Variants in DENND2D observed in about 807,000 individuals in gnomAD.
DENND2D encodes the protein DENN domain containing 2D, also known as DENN domain-containing protein 2D.
DENND2D carries 37 observed loss-of-function variants against 59.8 expected under a neutral mutation model. The ratio of observed to expected loss-of-function variants is 0.62; its 90% CI spans 0.48 to 0.81. The LOEUF (loss-of-function observed/expected upper bound fraction) is 0.81, where lower values mean the gene tolerates loss of function less well. Among genes scored for constraint, DENND2D ranks in the 40% least tolerant of loss-of-function variants. The pLI is 0.00. For synonymous variants in DENND2D, 219 were observed against 211.3 expected (o/e 1.04, Z -0.31); for missense variants, 525 against 579.7 (o/e 0.91, Z 0.97).
chr1:111,190,967 A>AGTATTT (rs1163793965), intron 8 of DENND2D, among the ~76,000 whole-genome samples: 1 of 152,192 alleles, frequency 6.6e-6, no homozygotes, highest in East Asian at 1.9e-4. Flanking sequence ...AAATCTTTCC[A>AGTATTT]GTATTTGGGC....
chr1:111,200,845 CAG>C (rs1173169272), upstream of DENND2D: 3 of 491,994 alleles, frequency 6.1e-6, no homozygotes, highest in African/African-American at 2.0e-5. Flanking sequence ...GCAGATTGTG[CAG>C]AGAGTTAATT....
intron 2 of DENND2D, 83 bp downstream of exon 2, chr1:111,199,540 G>A: frequency 6.7e-7 from 1 of 1,484,674 alleles, no homozygotes; most frequent in South Asian, 1.3e-5. Context: ...GTAGGGTAGG[G>A]AGAAGGAGGT....
intron 11 of DENND2D, 51 bp downstream of exon 11, chr1:111,188,080 T>G (rs979514455): frequency 1.3e-6 from 2 of 1,596,756 alleles, no homozygotes; most frequent in African/African-American, 2.7e-5. Context: ...CTCCTCTTTA[T>G]TCTAGAGGTA....
intron 8 of DENND2D, among the ~76,000 whole-genome samples, chr1:111,191,377 G>A (rs1485011550): frequency 2.6e-5 from 4 of 152,182 alleles, no homozygotes; most frequent in African/African-American, 7.2e-5. Context: ...TGAGTCAATG[G>A]TTATGGCCAG....
At position 111,199,724 on chromosome 1, in the gene DENND2D, C is replaced by A. The variant is rs768262590; in HGVS notation, c.142G>T (p.Ala48Ser). The change falls in exon 2 of 12, where the codon GCT (alanine) becomes TCT (serine). Residue 48 changes from alanine to serine, a missense_variant. Physicochemically the swap from Ala to Ser is moderately conservative, Grantham distance 99 (BLOSUM62 1). Around this residue, in one of 3 missense-constraint regions of DENND2D, gnomAD observed 253 missense variants for 246.4 expected, o/e 1.03. Coordinates refer to ENST00000357640, the MANE Select transcript of DENND2D (RefSeq NM_024901.5). ...TATTCAAAGAAGTGCTGCCCCCCAG[C>A]AAAGTTGGGCAAAGAGTGCTCCTGG... ...RAQEHSLPNF[A>S]GGQHFFEYLL... The A allele has an allele frequency of 5.0e-6, 8 of 1,614,138 alleles. No homozygotes were observed. The Admixed American group carries it at 1.3e-4, about 27-fold the overall frequency.
chr1:111,191,944 A>G (rs1657813218), intron 8 of DENND2D, among the ~76,000 whole-genome samples, 196 bp downstream of exon 8: 1 of 152,218 alleles, frequency 6.6e-6, no homozygotes, highest in Non-Finnish European at 1.5e-5. Flanking sequence ...GTGCCAGGTT[A>G]GGAGCTCTAG....
chr1:111,194,319 G>A (rs1480684739), intron 7 of DENND2D, among the ~76,000 whole-genome samples: 2 of 152,182 alleles, frequency 1.3e-5, no homozygotes, highest in African/African-American at 2.4e-5. Context: ...CACCCAGGCT[G>A]TCCCAGGAAT....
intron 10 of DENND2D, 69 bp from the exon 11 acceptor site, chr1:111,188,439 A>C: frequency 1.3e-6 from 2 of 1,581,216 alleles, no homozygotes; most frequent in South Asian, 1.2e-5. Context: ...CACCTTCAAG[A>C]ATGGCTTTCT....
intron 8 of DENND2D, among the ~76,000 whole-genome samples, chr1:111,189,970 C>G (rs144765599): frequency 0.025 from 3,872 of 152,140 alleles, 81 homozygotes; most frequent in Middle Eastern, 0.065. Context: ...CGAGACCATC[C>G]TGGCTAACAC....
At chr1:111,191,142 C>T (rs557872251) in intron 8 of DENND2D, among the ~76,000 whole-genome samples, 5 of 152,188 alleles carry the variant, frequency 3.3e-5, no homozygotes, top group African/African-American at 1.2e-4. Context: ...GGCTAATACT[C>T]TGTCCCAGTT....
chr1:111,202,202 T>G (rs1393037559), upstream of DENND2D, among the ~76,000 whole-genome samples: 1 of 152,214 alleles, frequency 6.6e-6, no homozygotes, highest in Non-Finnish European at 1.5e-5. Context: ...CTAAATCCTT[T>G]GGGCTGCGTT....
At chr1:111,194,805 G>C in intron 6 of DENND2D, 79 bp from the exon 7 acceptor site, 2 of 1,502,166 alleles carry the variant, frequency 1.3e-6, no homozygotes, top group South Asian at 2.4e-5. Flanking sequence ...GCCTCTACCA[G>C]CCTCTATTCC....
intron 7 of DENND2D, among the ~76,000 whole-genome samples, chr1:111,193,078 C>CA (rs1324412463): frequency 6.6e-6 from 1 of 152,252 alleles, no homozygotes; most frequent in African/African-American, 2.4e-5. Context: ...CACACAGTCC[C>CA]ACTCTCTGTC....
upstream of DENND2D, chr1:111,202,255 T>C (rs1180325522): frequency 6.6e-6 from 1 of 152,164 alleles, no homozygotes; most frequent in African/African-American, 2.4e-5. Context: ...GCCAAGAGAA[T>C]AGCAAAATTA....
At chr1:111,197,386 C>G (rs914096087) in intron 4 of DENND2D, 133 bp from the exon 5 acceptor site, 1 of 1,473,538 alleles carries the variant, frequency 6.8e-7, no homozygotes, top group South Asian at 1.3e-5. Flanking sequence ...GCAGGGAGGT[C>G]AGAATGGCCA....
chr1:111,188,906 T>C, intron 9 of DENND2D, 120 bp from the exon 10 acceptor site: 2 of 863,050 alleles, frequency 2.3e-6, no homozygotes, highest in Admixed American at 2.0e-5. Flanking sequence ...AATAGCCACA[T>C]AGGACAGAAA....
rs778371028 is a variant in DENND2D, at chr1:111,188,769, G to A, written c.1032C>T (p.Asp344=). The A allele has an allele frequency of 4.3e-6, 7 of 1,613,976 alleles. No individual in the cohort carries two copies. The highest frequency in any genetic ancestry group is 1.1e-5 in the South Asian group (1 of 91,078). ...TFLMSVGDEK[D]ILPPKLQDDI... Reference sequence around the variant, plus strand: ...CATCCTGAAGCTTCGGTGGCAGGATGTCTTTTTCATCACCAACCTAGAAGA... The same window carrying A: ...CATCCTGAAGCTTCGGTGGCAGGATATCTTTTTCATCACCAACCTAGAAGA... The change falls in exon 10 of 12, where the codon GAC becomes GAT. Residue 344 remains aspartate, a synonymous_variant. Transcript: ENST00000357640.
At chr1:111,197,789 T>G (rs1014064359) in intron 4 of DENND2D, 131 bp downstream of exon 4, 1 of 1,495,470 alleles carries the variant, frequency 6.7e-7, no homozygotes. Context: ...TGGCAGCAGG[T>G]CCTGGGCTGT....
chr1:111,191,504 G>T (rs2484459), intron 8 of DENND2D, among the ~76,000 whole-genome samples: 1 of 152,190 alleles, frequency 6.6e-6, no homozygotes, highest in East Asian at 1.9e-4. Flanking sequence ...CAACAGCGGG[G>T]ATAGATTTAC....
Sources: gnomAD v4.1 joint callset for allele counts (sites outside exome capture counted in the v4.1 genomes callset) on GRCh38, gnomAD v4.1.1 for gene constraint, gnomAD v4.1.1 regional missense constraint, MANE v1.5 for transcripts, NCBI Gene and HGNC (gene_info 2026-07-23, HGNC 2026-07-21) for gene names.